STT3B: variants seen among roughly 807,000 people sequenced by gnomAD.
STT3B encodes the protein STT3 oligosaccharyltransferase complex catalytic subunit B, also known as dolichyl-diphosphooligosaccharide--protein glycosyltransferase subunit STT3B.
Under a neutral mutation model 96.8 loss-of-function variants are expected in STT3B, and 29 were observed. The ratio of observed to expected loss-of-function variants is 0.30; its 90% CI spans 0.22 to 0.41. The LOEUF is 0.41. Ranked by LOEUF, STT3B falls within the 10% of genes least tolerant of loss-of-function variation. The pLI, the probability that STT3B is intolerant of heterozygous loss-of-function variation, is 1.00. For synonymous variants in STT3B, 367 were observed against 360.0 expected (o/e 1.02, Z -0.22); for missense variants, 640 against 1,022.3 (o/e 0.63, Z 5.10).
intron 3 of STT3B, among the ~76,000 whole-genome samples, chr3:31,592,911 A>G (rs1022428396): frequency 2.0e-5 from 3 of 152,214 alleles, no homozygotes; most frequent in Admixed American, 2.0e-4. Context: ...CTTCAGCCAG[A>G]GGAGGAGGGA....
At chr3:31,554,482 A>C (rs998840641) in intron 1 of STT3B, among the ~76,000 whole-genome samples, 1 of 152,158 alleles carries the variant, frequency 6.6e-6, no homozygotes, top group African/African-American at 2.4e-5. Context: ...TAAATGATTT[A>C]ATGGCCGTGT....
At chr3:31,608,584 C>T (rs761250813) in intron 5 of STT3B, among the ~76,000 whole-genome samples, 29 of 152,184 alleles carry the variant, frequency 1.9e-4, no homozygotes, top group Non-Finnish European at 3.2e-4. Context: ...TAGCAATAAT[C>T]ATTGGCCTGA....
At chr3:31,603,629 G>A (rs1344652685) in intron 5 of STT3B, among the ~76,000 whole-genome samples, 6 of 152,040 alleles carry the variant, frequency 3.9e-5, no homozygotes, top group African/African-American at 1.4e-4. Context: ...AGTGATTTAA[G>A]CTTTCTAATT....
chr3:31,606,310 G>A (rs1699053421), intron 5 of STT3B, among the ~76,000 whole-genome samples: 1 of 152,196 alleles, frequency 6.6e-6, no homozygotes, highest in South Asian at 2.1e-4. Flanking sequence ...AAGACAGTGG[G>A]GGAAATGTCT....
chr3:31,618,587 C>T (rs1310466025), intron 8 of STT3B, among the ~76,000 whole-genome samples: 1 of 151,644 alleles, frequency 6.6e-6, no homozygotes, highest in African/African-American at 2.4e-5. Context: ...ATAATTTATG[C>T]CCCTCCTCTG....
intron 5 of STT3B, among the ~76,000 whole-genome samples, 181 bp downstream of exon 5, chr3:31,600,640 TTTTCC>T (rs1698907889): frequency 6.6e-6 from 1 of 152,148 alleles, no homozygotes; most frequent in Non-Finnish European, 1.5e-5. Context: ...TGTCATCAAC[TTTTCC>T]TTGACAAGTT....
chr3:31,569,596 C>T (rs1214521422), intron 1 of STT3B, among the ~76,000 whole-genome samples: 1 of 152,066 alleles, frequency 6.6e-6, no homozygotes, highest in Admixed American at 6.6e-5. Context: ...AATTTTTTGT[C>T]ACACTTGCTT....
At chr3:31,608,166 A>G (rs1330638285) in intron 5 of STT3B, among the ~76,000 whole-genome samples, 1 of 152,184 alleles carries the variant, frequency 6.6e-6, no homozygotes, top group East Asian at 1.9e-4. Flanking sequence ...AAGGTAGGTG[A>G]GCCAAGAGCA....
intron 1 of STT3B, among the ~76,000 whole-genome samples, chr3:31,551,984 C>G (rs888787531): frequency 7.9e-5 from 12 of 152,118 alleles, no homozygotes; most frequent in African/African-American, 2.9e-4. Flanking sequence ...CTGCTAGAAG[C>G]CTGAGTGAGC....
At chr3:31,596,747 G>T (rs539183687) in intron 3 of STT3B, 51 bp from the exon 4 acceptor site, 6 of 1,418,884 alleles carry the variant, frequency 4.2e-6, no homozygotes, top group African/African-American at 2.9e-5. Context: ...TAAAAATTCC[G>T]CAAGAACATT....
chr3:31,554,884 C>A lies in STT3B; in HGVS notation c.315-21512C>A, dbSNP rs185346820. Among the ~76,000 whole-genome samples, 264 of 152,140 alleles carry A rather than the reference C, an allele frequency of 1.7e-3. 1 individual carries two copies. The highest frequency in any genetic ancestry group is 5.9e-3 in the African/African-American group (247 of 41,514). On this transcript the variant is annotated intron_variant, in intron 1 of 15. Transcript: ENST00000295770. ...GCCCTAAAGTCAACAAGAATTTATT[C>A]TATAGTGATTGTTTACCTATATTGA...
At chr3:31,615,581 AT>A (rs1237763295) in intron 6 of STT3B, among the ~76,000 whole-genome samples, 2 of 151,920 alleles carry the variant, frequency 1.3e-5, no homozygotes, top group Non-Finnish European at 2.9e-5. Context: ...GCACTTTAAA[AT>A]TTATGAAATG....
intron 1 of STT3B, among the ~76,000 whole-genome samples, chr3:31,572,193 T>C (rs1698173887): frequency 2.8e-5 from 4 of 143,726 alleles, no homozygotes; most frequent in African/African-American, 1.0e-4. Flanking sequence ...ATATATAATA[T>C]ATAATTAATT....
intron 8 of STT3B, 112 bp downstream of exon 8, chr3:31,618,100 C>T: frequency 1.3e-6 from 1 of 751,818 alleles, no homozygotes; most frequent in East Asian, 2.5e-5. Context: ...TTCTAAGTAC[C>T]AAAGATGCTA....
At chr3:31,628,325 G>T (rs1223464044) in intron 13 of STT3B, among the ~76,000 whole-genome samples, 2 of 151,978 alleles carry the variant, frequency 1.3e-5, no homozygotes, top group African/African-American at 4.8e-5. Context: ...ATATGTCTTG[G>T]TGATTTTTCC....
intron 1 of STT3B, among the ~76,000 whole-genome samples, chr3:31,565,288 C>G (rs10222558): frequency 0.89 from 135,507 of 152,270 alleles, 60,984 homozygotes; most frequent in Non-Finnish European, 0.95. Flanking sequence ...GTTACACTTA[C>G]TATTCAAATG....
At chr3:31,634,788 A>T (rs1432046850) in intron 15 of STT3B, among the ~76,000 whole-genome samples, 1 of 152,154 alleles carries the variant, frequency 6.6e-6, no homozygotes, top group Non-Finnish European at 1.5e-5. Flanking sequence ...ACATCATAAG[A>T]TCTCATAGAA....
intron 1 of STT3B, among the ~76,000 whole-genome samples, chr3:31,562,785 G>A (rs1697911123): frequency 6.6e-6 from 1 of 152,172 alleles, no homozygotes; most frequent in Non-Finnish European, 1.5e-5. Context: ...TCGCTGCCTT[G>A]TAGTGGCCCT....
At chr3:31,603,022 G>GTT (rs552599377) in intron 5 of STT3B, among the ~76,000 whole-genome samples, 389 of 152,038 alleles carry the variant, frequency 2.6e-3, no homozygotes, top group African/African-American at 9.1e-3. Flanking sequence ...ATTGTAAAGT[G>GTT]TTTGTATATA....
Sources: allele counts gnomAD v4.1 joint callset (sites outside exome capture counted in the v4.1 genomes callset), GRCh38; gene constraint gnomAD v4.1.1; transcripts MANE v1.5; gene names NCBI Gene and HGNC (gene_info 2026-07-23, HGNC 2026-07-21).